The following NIPAL2 variants were observed in gnomAD, a reference collection of about 807,000 sequenced individuals.
NIPAL2 encodes the protein NIPA-like protein 2.
NIPAL2 carries 43 observed loss-of-function variants against 48.9 expected under a neutral mutation model. The ratio of observed to expected loss-of-function variants is 0.88; its 90% CI spans 0.69 to 1.13. NIPAL2 has a LOEUF of 1.13. Ranked by LOEUF, NIPAL2 falls within the 50% of genes most tolerant of loss-of-function variation. The pLI is 0.00. For missense variants in NIPAL2, 446 were observed against 461.4 expected, an observed-to-expected ratio of 0.97 and a Z score of 0.31; for synonymous variants, 167 against 174.6, an observed-to-expected ratio of 0.96 and a Z score of 0.34.
chr8:98,259,391 C>T (rs1814149603), intron 1 of NIPAL2, among the ~76,000 whole-genome samples: 1 of 152,134 alleles, frequency 6.6e-6, no homozygotes, highest in African/African-American at 2.4e-5. Flanking sequence ...AAATATTCTT[C>T]TCACAGGTTT....
chr8:98,195,828 A>G (rs1279654491), intron 9 of NIPAL2, 114 bp downstream of exon 9: 6 of 679,818 alleles, frequency 8.8e-6, no homozygotes, highest in Non-Finnish European at 1.5e-5. Flanking sequence ...GGAGCTCAGG[A>G]AACTGATGTT....
intron 1 of NIPAL2, among the ~76,000 whole-genome samples, chr8:98,273,048 A>G (rs931059732): frequency 6.6e-6 from 1 of 152,234 alleles, no homozygotes; most frequent in Non-Finnish European, 1.5e-5. Flanking sequence ...ATATGTTCAC[A>G]TAAAAACTTG....
At chr8:98,284,296 A>T (rs555888240) in intron 1 of NIPAL2, among the ~76,000 whole-genome samples, 77 of 152,248 alleles carry the variant, frequency 5.1e-4, no homozygotes, top group Non-Finnish European at 9.7e-4. Flanking sequence ...ACAAAACAGT[A>T]CCATGTTAGT....
rs1390082195 is a variant in NIPAL2, at chr8:98,191,887, T to C, written c.*1091A>G. ...GGTTTGACCACTGGGTTGTTTTCTATGTCTACAGGTTTAAATGGCTGAAAT... is the reference window on the plus strand; with the variant it reads ...GGTTTGACCACTGGGTTGTTTTCTACGTCTACAGGTTTAAATGGCTGAAAT... On this transcript the variant is annotated 3_prime_UTR_variant, in exon 11 of 11. Transcript: ENST00000430223. 1 of 152,214 alleles carries C rather than the reference T, an allele frequency of 6.6e-6. No individual in the cohort carries two copies. Among genetic ancestry groups the C allele is most frequent in the Non-Finnish European group, 1.5e-5 (1 of 68,038 alleles). 9.4% of individuals were successfully genotyped at this position (152,214 alleles called of 1,614,324 possible).
In NIPAL2 at chr8:98,194,838, T is replaced by A; in HGVS notation, c.945-16A>T. ...CAGAAAACACCTGTAAGGATAATAT[T>A]AATAAAGAATACAAGAACACTGAAA... On this transcript the variant is annotated splice_polypyrimidine_tract_variant and intron_variant, in intron 9 of 10. Coordinates refer to ENST00000430223, the MANE Select transcript of NIPAL2 (RefSeq NM_001321635.2). The A allele has an allele frequency of 7.0e-7, 1 of 1,433,106 alleles. No individual in the cohort carries two copies. The highest frequency in any genetic ancestry group is 9.4e-7 in the Non-Finnish European group (1 of 1,059,492). The allele number at this position is 1,433,106 out of a possible 1,614,324, so 88.8% of individuals were successfully genotyped here.
intron 3 of NIPAL2, among the ~76,000 whole-genome samples, chr8:98,241,781 G>T (rs2514329): frequency 2.6e-5 from 4 of 152,230 alleles, no homozygotes; most frequent in East Asian, 3.9e-4. Flanking sequence ...TACACAATAA[G>T]GGTGGCTGAA....
rs1220192006 is a variant in NIPAL2, at chr8:98,194,762, C to T, written c.1005G>A (p.Leu335=). 8.3e-6 allele frequency: 13 copies of T among 1,575,384 alleles called. No individual in the cohort carries two copies. Among genetic ancestry groups the T allele is most frequent in the Non-Finnish European group, 1.0e-5 (12 of 1,164,646 alleles). ...TTCCAAAATCAATATAAGACTGTTG[C>T]AGATGTTCCTTTTCTCGATTTCTTG... is the stretch of plus-strand genomic sequence containing the variant. ...LVTRNREKEH[L]QQSYIDFGNI... is the part of the protein sequence containing the mutation. The change falls in exon 10 of 11, where the codon CTG becomes CTA. Residue 335 remains leucine, a synonymous_variant. Coordinates refer to ENST00000430223, the MANE Select transcript of NIPAL2 (RefSeq NM_001321635.2).
At chr8:98,193,285 G>T in intron 10 of NIPAL2, 195 bp from the exon 11 acceptor site, 1 of 1,339,000 alleles carries the variant, frequency 7.5e-7, no homozygotes, top group Non-Finnish European at 1.1e-6. Flanking sequence ...ATAGCGAATT[G>T]TCTGTGTCAG....
intron 1 of NIPAL2, among the ~76,000 whole-genome samples, chr8:98,257,534 G>A (rs1563530111): frequency 6.6e-6 from 1 of 151,910 alleles, no homozygotes; most frequent in Non-Finnish European, 1.5e-5. Flanking sequence ...CGGGATTACG[G>A]GTGTGAGCCA....
chr8:98,252,283 G>C, intron 3 of NIPAL2, 180 bp downstream of exon 3: 1 of 586,568 alleles, frequency 1.7e-6, no homozygotes, highest in South Asian at 3.6e-5. Flanking sequence ...TTTCTTCATG[G>C]TTAATGTGAC....
At chr8:98,249,490 A>G (rs78724558) in intron 3 of NIPAL2, among the ~76,000 whole-genome samples, 10,746 of 151,698 alleles carry the variant, frequency 0.071, 511 homozygotes, top group Non-Finnish European at 0.097. Flanking sequence ...TATGTCATAT[A>G]TGACATACAT....
Position 98,193,113 on chromosome 8 carries a change from G to A in NIPAL2, c.1040-23C>T, listed in dbSNP as rs75472501. 889 of 1,564,216 alleles carry A rather than the reference G, an allele frequency of 5.7e-4. 1 individual carries two copies. In the African/African-American group the frequency reaches 9.2e-3, roughly 16 times the overall value. On this transcript the variant is annotated intron_variant, in intron 10 of 10. Coordinates refer to ENST00000430223, the MANE Select transcript of NIPAL2 (RefSeq NM_001321635.2). ...TCCCTGTGGAGATAATAATCATAGA[G>A]AATCTTTTGAGGTCTTACAGAAAAA...
chr8:98,256,666 T>C (rs575728463), intron 1 of NIPAL2, among the ~76,000 whole-genome samples: 21 of 149,606 alleles, frequency 1.4e-4, no homozygotes, highest in African/African-American at 5.1e-4. Flanking sequence ...TTAGCAAAGA[T>C]GGGGAGAAAC....
intron 5 of NIPAL2, among the ~76,000 whole-genome samples, chr8:98,217,461 A>C (rs1029315000): frequency 3.9e-5 from 6 of 152,250 alleles, no homozygotes; most frequent in African/African-American, 9.6e-5. Flanking sequence ...GGTATAATAC[A>C]TAGAGTTAGA....
intron 3 of NIPAL2, chr8:98,251,732 AGTT>A (rs1185563133): frequency 6.6e-6 from 1 of 152,214 alleles, no homozygotes; most frequent in Non-Finnish European, 1.5e-5. Flanking sequence ...TGCTTGATCT[AGTT>A]GTTAACAGCT....
At chr8:98,283,556 T>A (rs1361408701) in intron 1 of NIPAL2, among the ~76,000 whole-genome samples, 1 of 152,180 alleles carries the variant, frequency 6.6e-6, no homozygotes, top group Non-Finnish European at 1.5e-5. Flanking sequence ...TACAAGAACA[T>A]GTTTATTATA....
At chr8:98,202,361 G>T (rs1457579742) in intron 8 of NIPAL2, among the ~76,000 whole-genome samples, 1 of 152,188 alleles carries the variant, frequency 6.6e-6, no homozygotes, top group Non-Finnish European at 1.5e-5. Flanking sequence ...CAGTTGCTTT[G>T]ATGATCAGAA....
chr8:98,269,059 C>A (rs1216660298), intron 1 of NIPAL2, among the ~76,000 whole-genome samples: 1 of 152,184 alleles, frequency 6.6e-6, no homozygotes, highest in Non-Finnish European at 1.5e-5. Flanking sequence ...GAGATGGCAG[C>A]AATTCAATGA....
chr8:98,230,978 G>A (rs961409190), intron 4 of NIPAL2, among the ~76,000 whole-genome samples: 31 of 152,174 alleles, frequency 2.0e-4, no homozygotes, highest in African/African-American at 7.2e-4. Flanking sequence ...GGAGCCTTAA[G>A]AGTTTTTCTT....
Sources: gnomAD v4.1 joint callset for allele counts (sites outside exome capture counted in the v4.1 genomes callset) on GRCh38, gnomAD v4.1.1 for gene constraint, MANE v1.5 for transcripts, NCBI Gene and HGNC (gene_info 2026-07-23, HGNC 2026-07-21) for gene names.